The following PALM2AKAP2 variants were observed in gnomAD, a reference collection of about 807,000 sequenced individuals.
PALM2AKAP2 encodes the protein PALM2 and AKAP2 fusion, also known as PALM2-AKAP2 fusion protein.
PALM2AKAP2 carries 37 observed loss-of-function variants against 71.5 expected under a neutral mutation model. The ratio of observed to expected loss-of-function variants is 0.52; its 90% CI spans 0.40 to 0.68. The LOEUF is 0.68. PALM2AKAP2 is among the 30% of genes least tolerant of loss of function. PALM2AKAP2 has a pLI of 0.00. For synonymous variants in PALM2AKAP2, 468 were observed against 478.8 expected (o/e 0.98, Z 0.29); for missense variants, 1,224 against 1,191.8 (o/e 1.03, Z -0.40).
At chr9:109,713,522 C>T (rs1033835649) in intron 1 of PALM2AKAP2, among the ~76,000 whole-genome samples, 4 of 152,092 alleles carry the variant, frequency 2.6e-5, no homozygotes, top group Non-Finnish European at 5.9e-5. Flanking sequence ...ATAAAGTCTC[C>T]TTTAAAATAA....
Position 109,767,644 on chromosome 9 carries a change from C to A in PALM2AKAP2, c.6-12844C>A, listed in dbSNP as rs1349360313. On this transcript the variant is annotated intron_variant, in intron 1 of 6. Transcript: ENST00000374531. ...TCCTCTCCCTGAACCCCTCCCCTCG[C>A]TCCCTCTGCCCTGACATGACTCCAT... is the stretch of plus-strand genomic sequence containing the variant. Among the ~76,000 whole-genome samples, 8 of 152,230 alleles carry A rather than the reference C, an allele frequency of 5.3e-5. No individual in the cohort carries two copies. In the East Asian group the frequency reaches 1.5e-3, roughly 29 times the overall value.
At chr9:109,888,136 A>G (rs1830008354) in intron 3 of PALM2AKAP2, among the ~76,000 whole-genome samples, 1 of 152,186 alleles carries the variant, frequency 6.6e-6, no homozygotes, top group African/African-American at 2.4e-5. Context: ...TAGCCTGTGT[A>G]CAGTCTAAAC....
intron 3 of PALM2AKAP2, among the ~76,000 whole-genome samples, chr9:110,163,589 A>C (rs905651274): frequency 3.3e-5 from 5 of 152,224 alleles, no homozygotes; most frequent in Admixed American, 2.6e-4. Context: ...TACATAAACA[A>C]CACCTTATTT....
chr9:109,701,024 T>G (rs1176450953), intron 1 of PALM2AKAP2, among the ~76,000 whole-genome samples: 1 of 152,176 alleles, frequency 6.6e-6, no homozygotes, highest in Non-Finnish European at 1.5e-5. Flanking sequence ...ATTTTGTAGT[T>G]GGAAAAGGGA....
intron 1 of PALM2AKAP2, among the ~76,000 whole-genome samples, chr9:110,086,821 C>A (rs1834585322): frequency 6.6e-6 from 1 of 152,144 alleles, no homozygotes; most frequent in South Asian, 2.1e-4. Context: ...AAGATCATTA[C>A]AAAACAGATA....
chr9:109,811,533 G>A (rs1031485603), intron 1 of PALM2AKAP2, among the ~76,000 whole-genome samples: 1 of 152,056 alleles, frequency 6.6e-6, no homozygotes, highest in Non-Finnish European at 1.5e-5. Context: ...CTATATAATA[G>A]TAATAATTAT....
intron 5 of PALM2AKAP2, among the ~76,000 whole-genome samples, chr9:109,927,105 G>T (rs761111574): frequency 6.6e-6 from 1 of 152,164 alleles, no homozygotes; most frequent in Non-Finnish European, 1.5e-5. Flanking sequence ...AAGAGTTTCC[G>T]TGGTCTTACC....
chr9:109,819,848 C>T (rs1177304928), intron 1 of PALM2AKAP2, among the ~76,000 whole-genome samples: 1 of 152,078 alleles, frequency 6.6e-6, no homozygotes, highest in Non-Finnish European at 1.5e-5. Context: ...GATCACCACT[C>T]ATCATAAAAT....
chr9:109,873,659 T>C lies in PALM2AKAP2; in HGVS notation c.126+6088T>C, dbSNP rs143974689. 3.3e-3 allele frequency among the ~76,000 whole-genome samples: 498 copies of C among 152,280 alleles called. 5 individuals are homozygous for C. The highest frequency in any genetic ancestry group is 0.011 in the African/African-American group (473 of 41,552). On this transcript the variant is annotated intron_variant, in intron 2 of 9. Transcript: ENST00000302798. The stretch of plus-strand genomic sequence containing the variant: ...ATAGTGAGGGTAAGGAAGTCTTATC[T>C]ATGTATGACATCAAAGCCAGAATGT...
intron 1 of PALM2AKAP2, among the ~76,000 whole-genome samples, chr9:110,085,601 T>C (rs766255103): frequency 9.2e-5 from 14 of 152,204 alleles, no homozygotes; most frequent in Non-Finnish European, 1.5e-4. Context: ...CTCAGAAAAT[T>C]AGACAAGAAA....
At chr9:109,689,200 C>CTTTTTTTTTTT (rs200092612) in intron 1 of PALM2AKAP2, among the ~76,000 whole-genome samples, 2 of 134,150 alleles carry the variant, frequency 1.5e-5, no homozygotes, top group Non-Finnish European at 3.2e-5. Context: ...TTTTTCTTTT[C>CTTTTTTTTTTT]TTTTTTTTTT....
At chr9:109,719,762 C>T (rs894072636) in intron 1 of PALM2AKAP2, among the ~76,000 whole-genome samples, 8 of 152,068 alleles carry the variant, frequency 5.3e-5, no homozygotes, top group African/African-American at 1.2e-4. Context: ...CTAAACTATT[C>T]CCAGTTCCTC....
chr9:109,785,305 A>G (rs72753009), intron 1 of PALM2AKAP2, among the ~76,000 whole-genome samples: 6,312 of 152,286 alleles, frequency 0.041, 217 homozygotes, highest in Non-Finnish European at 0.072. Flanking sequence ...AGTACTTTAT[A>G]ATTTATGAAA....
chr9:109,680,765 A>G (rs745599819), intron 1 of PALM2AKAP2, among the ~76,000 whole-genome samples: 27 of 152,220 alleles, frequency 1.8e-4, no homozygotes, highest in Non-Finnish European at 3.1e-4. Context: ...AGCATAATAT[A>G]ATATGAAAGT....
intron 1 of PALM2AKAP2, among the ~76,000 whole-genome samples, chr9:109,693,769 C>A (rs954908219): frequency 6.6e-6 from 1 of 151,986 alleles, no homozygotes; most frequent in Non-Finnish European, 1.5e-5. Context: ...ATTCTTCTAA[C>A]ATTGATTTCT....
At chr9:109,877,700 T>C (rs1161924884) in intron 2 of PALM2AKAP2, among the ~76,000 whole-genome samples, 3 of 152,318 alleles carry the variant, frequency 2.0e-5, no homozygotes, top group South Asian at 4.1e-4. Context: ...TGCTATTTTC[T>C]CCATTTTACA....
chr9:109,835,576 C>G (rs146217527), intron 1 of PALM2AKAP2, among the ~76,000 whole-genome samples: 1 of 152,070 alleles, frequency 6.6e-6, no homozygotes, highest in East Asian at 1.9e-4. Context: ...CAAAGCAGGG[C>G]GAGGCATCGC....
exon 2 of PALM2AKAP2, chr9:110,136,205 G>C: frequency 6.2e-7 from 1 of 1,614,036 alleles, no homozygotes; most frequent in Non-Finnish European, 8.5e-7. Flanking sequence ...CCTGGAGCCT[G>C]CTGCCAGCTC....
intron 6 of PALM2AKAP2, among the ~76,000 whole-genome samples, chr9:109,997,226 GTAAA>G (rs1200485771): frequency 1.3e-5 from 2 of 152,040 alleles, no homozygotes; most frequent in African/African-American, 2.4e-5. Context: ...GTAATAAAAA[GTAAA>G]TAAATAAATA....
Sources: gnomAD v4.1 joint callset for allele counts (sites outside exome capture counted in the v4.1 genomes callset) on GRCh38, gnomAD v4.1.1 for gene constraint, MANE v1.5 for transcripts, NCBI Gene and HGNC (gene_info 2026-07-23, HGNC 2026-07-21) for gene names.